Variants in ZCRB1 observed in about 807,000 individuals in gnomAD.
ZCRB1 encodes the protein zinc finger CCHC-type and RNA binding motif containing 1, also known as zinc finger CCHC-type and RNA-binding motif-containing protein 1.
A neutral mutation model predicts 29.9 loss-of-function variants in ZCRB1; 21 were observed. That is an observed-to-expected ratio of 0.70 (90% CI 0.50 to 1.01). The LOEUF (loss-of-function observed/expected upper bound fraction) is 1.01, where lower values mean the gene tolerates loss of function less well. ZCRB1 is among the 50% of genes least tolerant of loss of function. The pLI, the probability that ZCRB1 is intolerant of heterozygous loss-of-function variation, is 0.00. For missense variants in ZCRB1, 204 were observed against 253.3 expected (o/e 0.81, Z 1.32); for synonymous variants, 77 against 80.0 (o/e 0.96, Z 0.20).
intron 5 of ZCRB1, 123 bp from the exon 6 acceptor site, chr12:42,314,109 C>A: frequency 6.6e-6 from 6 of 907,468 alleles, no homozygotes; most frequent in Non-Finnish European, 9.8e-6. Context: ...CATACTGGGA[C>A]TATACAGAAG....
chr12:42,313,486 T>C (rs2068579191), intron 7 of ZCRB1, among the ~76,000 whole-genome samples: 1 of 152,212 alleles, frequency 6.6e-6, no homozygotes, highest in Non-Finnish European at 1.5e-5. Context: ...ATAGTAAGTG[T>C]TGTGGGGCCC....
intron 5 of ZCRB1, among the ~76,000 whole-genome samples, chr12:42,317,050 AT>A (rs1325385612): frequency 1.3e-5 from 2 of 152,094 alleles, no homozygotes; most frequent in African/African-American, 4.8e-5. Context: ...CTACAAAAAA[AT>A]TTAAAAATTA....
rs750269763 is a variant in ZCRB1 at position 42,317,747 on chromosome 12, G to C, written c.225+40C>G. On this transcript the variant is annotated intron_variant, in intron 4 of 7. Transcript: ENST00000266529. Reference sequence around the variant, plus strand: ...ATTTTTGGCCTGGATGAGCATAAAGGCTTTGGGGCTAAAAACCTTGATGGA... The same window carrying C: ...ATTTTTGGCCTGGATGAGCATAAAGCCTTTGGGGCTAAAAACCTTGATGGA... 11 of 1,581,162 alleles carry C rather than the reference G, an allele frequency of 7.0e-6. 1 individual carries two copies. In the East Asian group the frequency reaches 2.5e-4, roughly 35 times the overall value.
chr12:42,323,873 G>A, intron 2 of ZCRB1, 146 bp downstream of exon 2: 2 of 681,510 alleles, frequency 2.9e-6, no homozygotes, highest in South Asian at 3.7e-5. Flanking sequence ...TAGTGCCACT[G>A]CACTACAGCC....
intron 3 of ZCRB1, among the ~76,000 whole-genome samples, chr12:42,322,121 C>T (rs1183117308): frequency 6.6e-6 from 1 of 151,718 alleles, no homozygotes; most frequent in African/African-American, 2.4e-5. Flanking sequence ...TCCTAGTAAC[C>T]AAAATATTTG....
At position 42,326,010 on chromosome 12, in the gene ZCRB1, C is replaced by T. The variant is rs1332580989; in HGVS notation, c.-89G>A. 6.6e-6 allele frequency: 1 copy of T among 152,348 alleles called. No homozygotes were observed. The highest frequency in any genetic ancestry group is 1.5e-5 in the Non-Finnish European group (1 of 68,110). 9.4% of individuals were successfully genotyped at this position (152,348 alleles called of 1,614,324 possible). A position where few individuals can be genotyped will look rare whatever the true frequency, so the allele number is the denominator to read the frequency against. On this transcript the variant is annotated 5_prime_UTR_variant, in exon 1 of 8. Coordinates refer to ENST00000266529, the MANE Select transcript of ZCRB1 (RefSeq NM_033114.4). ...AACCCCGACTCTTCGTAGCCGCTCG[C>T]AGCGGCCTTGGCATCACGAGTCCTG...
Position 42,312,953 on chromosome 12 carries a change from T to C in ZCRB1, c.*114A>G, listed in dbSNP as rs2068576705. 9.5e-7 allele frequency: 1 copy of C among 1,052,106 alleles called. No individual in the cohort carries two copies. Among genetic ancestry groups the C allele is most frequent in the South Asian group, 4.2e-5 (1 of 24,018 alleles). 65.2% of individuals were successfully genotyped at this position (1,052,106 alleles called of 1,614,324 possible). The stretch of plus-strand genomic sequence containing the variant: ...TTTTAAAATATCTTTTTTCTTGGGA[T>C]GACAATAATAGTATTAACATGATAG... On this transcript the variant is annotated 3_prime_UTR_variant, in exon 8 of 8. Coordinates refer to ENST00000266529, the MANE Select transcript of ZCRB1 (RefSeq NM_033114.4).
chr12:42,315,513 C>CA (rs201620239), intron 5 of ZCRB1, among the ~76,000 whole-genome samples: 7 of 149,164 alleles, frequency 4.7e-5, no homozygotes, highest in East Asian at 2.0e-4. Context: ...AATATTATAG[C>CA]AAAAAAAAAT....
chr12:42,319,664 T>C (rs1350327436), intron 3 of ZCRB1, among the ~76,000 whole-genome samples: 1 of 152,210 alleles, frequency 6.6e-6, no homozygotes, highest in Non-Finnish European at 1.5e-5. Context: ...ATATAATTTC[T>C]CCTCCGTTAT....
chr12:42,312,129 CAAT>C lies in ZCRB1; in HGVS notation c.*935_*937del, dbSNP rs952426989. The C allele has an allele frequency of 6.6e-5, 10 of 151,940 alleles. No individual in the cohort carries two copies. The highest frequency in any genetic ancestry group is 4.2e-4 in the South Asian group (2 of 4,814). The allele number at this position is 151,940 out of a possible 1,614,324, so 9.4% of individuals were successfully genotyped here. On this transcript the variant is annotated 3_prime_UTR_variant, in exon 8 of 8. Transcript: ENST00000266529. ...TTTAATATATTTTTTCTTGGGATGA[CAAT>C]AATAATATTACTATGATAGTATTAA...
intron 5 of ZCRB1, 149 bp downstream of exon 5, chr12:42,317,191 A>G: frequency 1.7e-6 from 1 of 583,580 alleles, no homozygotes; most frequent in South Asian, 2.4e-5. Flanking sequence ...ACAGAGGAAA[A>G]CCCTATCTCA....
chr12:42,325,589 C>G (rs1228015728), intron 1 of ZCRB1: 2 of 151,960 alleles, frequency 1.3e-5, no homozygotes, highest in African/African-American at 4.8e-5. Flanking sequence ...AAAGAGCGTG[C>G]GGTGTGTATT....
chr12:42,325,675 A>G (rs1268847302), intron 1 of ZCRB1: 1 of 152,202 alleles, frequency 6.6e-6, no homozygotes, highest in East Asian at 1.9e-4. Flanking sequence ...GGAATGAGAA[A>G]ACTGCCTCAT....
At chr12:42,318,746 G>A (rs1212171473) in intron 3 of ZCRB1, among the ~76,000 whole-genome samples, 1 of 152,196 alleles carries the variant, frequency 6.6e-6, no homozygotes, top group Non-Finnish European at 1.5e-5. Context: ...GTGCAAGAGT[G>A]CGTGAGCGAG....
chr12:42,325,424 T>C (rs1341467601), intron 1 of ZCRB1: 2 of 152,226 alleles, frequency 1.3e-5, no homozygotes, highest in Non-Finnish European at 2.9e-5. Flanking sequence ...ATTATATAAA[T>C]AGGCTTGGTG....
chr12:42,324,079 A>G lies in ZCRB1; in HGVS notation c.24T>C (p.Ser8=). 6.2e-7 allele frequency: 1 copy of G among 1,614,192 alleles called. No homozygotes were observed. The highest frequency in any genetic ancestry group is 1.3e-5 in the African/African-American group (1 of 75,056). MSGGLAP[S]KSTVYVSNLP... ...AGTTGGATACATACACTGTGCTCTTACTTGGAGCCAATCCACCACTCATTT... is the reference window on the plus strand; with the variant it reads ...AGTTGGATACATACACTGTGCTCTTGCTTGGAGCCAATCCACCACTCATTT... The change falls in exon 2 of 8, where the codon AGT becomes AGC. Residue 8 remains serine, a synonymous_variant. Transcript: ENST00000266529.
intron 3 of ZCRB1, among the ~76,000 whole-genome samples, chr12:42,320,467 G>A (rs762822787): frequency 2.0e-5 from 3 of 151,766 alleles, no homozygotes; most frequent in Non-Finnish European, 2.9e-5. Flanking sequence ...TTTGCGATGG[G>A]GTCTTGCTCT....
chr12:42,315,770 CT>C (rs1303125005), intron 5 of ZCRB1, among the ~76,000 whole-genome samples: 1 of 152,158 alleles, frequency 6.6e-6, no homozygotes, highest in African/African-American at 2.4e-5. Flanking sequence ...CCTTCCCTCC[CT>C]CCCTTTCTTT....
At chr12:42,313,325 A>G (rs2068578503) in intron 7 of ZCRB1, 127 bp from the exon 8 acceptor site, 5 of 988,842 alleles carry the variant, frequency 5.1e-6, no homozygotes, top group South Asian at 2.1e-5. Flanking sequence ...CATGCAGACA[A>G]TAAGATCTGC....
Sources: allele counts gnomAD v4.1 joint callset (sites outside exome capture counted in the v4.1 genomes callset), GRCh38; gene constraint gnomAD v4.1.1; transcripts MANE v1.5; gene names NCBI Gene and HGNC (gene_info 2026-07-23, HGNC 2026-07-21).